The following AKAP6 variants were observed in gnomAD, a reference collection of about 807,000 sequenced individuals.
The protein encoded by AKAP6 is A-kinase anchoring protein 6.
A neutral mutation model predicts 188.5 loss-of-function variants in AKAP6; 58 were observed. The observed-to-expected ratio is 0.31, with a 90% CI of 0.25 to 0.38. The LOEUF (loss-of-function observed/expected upper bound fraction) is 0.38, where lower values mean the gene tolerates loss of function less well. Ranked by LOEUF, AKAP6 falls within the 10% of genes least tolerant of loss-of-function variation. The pLI is 1.00. For synonymous variants in AKAP6, 989 were observed against 998.6 expected (o/e 0.99, Z 0.18); for missense variants, 2,710 against 2,740.0 (o/e 0.99, Z 0.24).
chr14:32,646,349 A>G (rs1887986208), intron 7 of AKAP6, among the ~76,000 whole-genome samples: 1 of 152,002 alleles, frequency 6.6e-6, no homozygotes, highest in African/African-American at 2.4e-5. Flanking sequence ...GAAAAAAATA[A>G]TGGTATTCAA....
chr14:32,646,749 T>C (rs1452473868), intron 7 of AKAP6, among the ~76,000 whole-genome samples: 1 of 152,136 alleles, frequency 6.6e-6, no homozygotes, highest in Non-Finnish European at 1.5e-5. Flanking sequence ...AAAATTCTAA[T>C]GTGTGCCCTC....
chr14:32,354,324 A>G (rs1405683267), intron 1 of AKAP6, among the ~76,000 whole-genome samples: 1 of 151,762 alleles, frequency 6.6e-6, no homozygotes, highest in Non-Finnish European at 1.5e-5. Flanking sequence ...CAATTTTTGC[A>G]GGGAAAGCTA....
At chr14:32,595,724 T>TA (rs1020748403) in intron 5 of AKAP6, among the ~76,000 whole-genome samples, 2 of 152,030 alleles carry the variant, frequency 1.3e-5, no homozygotes, top group African/African-American at 2.4e-5. Flanking sequence ...TAAAATTTTT[T>TA]AAAAAAACTT....
chr14:32,583,202 C>G (rs1181541333), intron 5 of AKAP6, among the ~76,000 whole-genome samples: 2 of 152,180 alleles, frequency 1.3e-5, no homozygotes, highest in Admixed American at 6.5e-5. Context: ...AGTTTTCCTT[C>G]TAATAGACAG....
chr14:32,684,669 T>C (rs1180921658), intron 8 of AKAP6, among the ~76,000 whole-genome samples: 1 of 151,964 alleles, frequency 6.6e-6, no homozygotes, highest in African/African-American at 2.4e-5. Context: ...GGAACCTTGA[T>C]TGGGACATTT....
rs374552838 is a variant in AKAP6, at chr14:32,750,112, C to T, written c.3372+14230C>T. 1.1e-4 allele frequency among the ~76,000 whole-genome samples: 17 copies of T among 152,256 alleles called. No homozygotes were observed. In the East Asian group the frequency reaches 1.5e-3, roughly 14 times the overall value. On this transcript the variant is annotated intron_variant, in intron 11 of 13. Coordinates refer to ENST00000280979, the MANE Select transcript of AKAP6 (RefSeq NM_004274.5). ...GGCACTGGGCTGAGTTTTAGCAATACCACAAAGCTTATATTATGGGCTAGT... is the reference window on the plus strand; with the variant it reads ...GGCACTGGGCTGAGTTTTAGCAATATCACAAAGCTTATATTATGGGCTAGT...
intron 11 of AKAP6, among the ~76,000 whole-genome samples, chr14:32,740,744 G>A (rs988322134): frequency 1.3e-5 from 2 of 151,796 alleles, no homozygotes; most frequent in African/African-American, 4.8e-5. Context: ...TCTATTTTTA[G>A]GTTGGTACCA....
intron 7 of AKAP6, among the ~76,000 whole-genome samples, chr14:32,653,026 C>G (rs779438276): frequency 6.6e-6 from 1 of 152,076 alleles, no homozygotes; most frequent in East Asian, 1.9e-4. Context: ...ACACTCCAGC[C>G]TGGGTGACAG....
chr14:32,551,760 G>A (rs1319993259), intron 4 of AKAP6, among the ~76,000 whole-genome samples: 1 of 151,352 alleles, frequency 6.6e-6, no homozygotes, highest in African/African-American at 2.4e-5. Flanking sequence ...CCAGGTTCAC[G>A]CCATTCTCCT....
chr14:32,376,350 G>A (rs1888156890), intron 1 of AKAP6, among the ~76,000 whole-genome samples: 1 of 152,064 alleles, frequency 6.6e-6, no homozygotes, highest in African/African-American at 2.4e-5. Flanking sequence ...AGCTTTATCT[G>A]TGTCTTATTC....
intron 1 of AKAP6, among the ~76,000 whole-genome samples, chr14:32,394,780 A>G (rs1460707918): frequency 1.3e-5 from 2 of 152,128 alleles, no homozygotes; most frequent in African/African-American, 4.8e-5. Context: ...TTATATCATT[A>G]AGATGGAGAA....
At chr14:32,660,613 C>T (rs1888646376) in intron 7 of AKAP6, among the ~76,000 whole-genome samples, 1 of 152,022 alleles carries the variant, frequency 6.6e-6, no homozygotes, top group Non-Finnish European at 1.5e-5. Context: ...TTGTTTCCCC[C>T]CAGGTTCTAA....
chr14:32,765,486 G>A (rs932528423), intron 11 of AKAP6, among the ~76,000 whole-genome samples: 27 of 151,938 alleles, frequency 1.8e-4, no homozygotes, highest in African/African-American at 6.3e-4. Context: ...TCCCACATTT[G>A]CTTTAACTCC....
intron 11 of AKAP6, among the ~76,000 whole-genome samples, chr14:32,761,143 AC>A (rs1045703644): frequency 8.4e-5 from 12 of 143,710 alleles, no homozygotes; most frequent in African/African-American, 3.5e-4. Flanking sequence ...AGCCATCTCT[AC>A]CTTTGCCTCT....
intron 4 of AKAP6, among the ~76,000 whole-genome samples, chr14:32,557,437 A>G (rs539121102): frequency 6.6e-6 from 1 of 152,240 alleles, no homozygotes; most frequent in Non-Finnish European, 1.5e-5. Flanking sequence ...TCTAGCCATT[A>G]TTTACTGGAT....
chr14:32,473,078 T>G (rs1878869942), intron 2 of AKAP6, among the ~76,000 whole-genome samples: 1 of 152,214 alleles, frequency 6.6e-6, no homozygotes, highest in Non-Finnish European at 1.5e-5. Flanking sequence ...TGTGGAATGT[T>G]GGAGCTATAA....
intron 1 of AKAP6, among the ~76,000 whole-genome samples, chr14:32,339,418 ATTCT>A (rs1886824004): frequency 6.6e-6 from 1 of 152,136 alleles, no homozygotes; most frequent in African/African-American, 2.4e-5. Flanking sequence ...ATTATTCTAA[ATTCT>A]TCTATTGGAA....
intron 7 of AKAP6, among the ~76,000 whole-genome samples, chr14:32,655,622 G>C (rs1244484129): frequency 1.3e-5 from 2 of 152,152 alleles, no homozygotes; most frequent in African/African-American, 4.8e-5. Context: ...TTGGCCCTTA[G>C]AGGACTTTTT....
intron 1 of AKAP6, among the ~76,000 whole-genome samples, chr14:32,370,610 T>TTAG (rs1407169810): frequency 6.6e-6 from 1 of 152,202 alleles, no homozygotes; most frequent in Non-Finnish European, 1.5e-5. Flanking sequence ...AGTGGCTGTA[T>TTAG]TAGTGCTGGT....
Sources: allele counts gnomAD v4.1 joint callset (sites outside exome capture counted in the v4.1 genomes callset), GRCh38; gene constraint gnomAD v4.1.1; transcripts MANE v1.5; gene names NCBI Gene and HGNC (gene_info 2026-07-23, HGNC 2026-07-21).